IRAK3: variants seen among roughly 807,000 people sequenced by gnomAD.
IRAK3 encodes the protein interleukin-1 receptor-associated kinase 3.
A neutral mutation model predicts 56.6 loss-of-function variants in IRAK3; 57 were observed. The observed-to-expected ratio is 1.01, with a 90% CI of 0.81 to 1.26. The LOEUF (loss-of-function observed/expected upper bound fraction) is 1.26. IRAK3 is among the 50% of genes most tolerant of loss of function. The pLI, the probability that IRAK3 is intolerant of heterozygous loss-of-function variation, is 0.00. For missense variants in IRAK3, 703 were observed against 719.0 expected, an observed-to-expected ratio of 0.98 and a Z score of 0.25; for synonymous variants, 258 against 255.7, an observed-to-expected ratio of 1.01 and a Z score of -0.09.
In IRAK3 at chr12:66,250,750, T is replaced by G. The variant is rs759965550; in HGVS notation, c.*2579T>G. On this transcript the variant is annotated 3_prime_UTR_variant, in exon 12 of 12. Transcript: ENST00000261233. The stretch of plus-strand genomic sequence containing the variant: ...GGGTATTATGTTGATTTGAACTTGC[T>G]TAGCTGACTTAAAGCAGGGTTTCTC... 1 of 152,258 alleles carries G rather than the reference T, an allele frequency of 6.6e-6. No homozygotes were observed. Among genetic ancestry groups the G allele is most frequent in the Non-Finnish European group, 1.5e-5 (1 of 68,052 alleles). The allele number at this position is 152,258 out of a possible 1,614,324, so 9.4% of individuals were successfully genotyped here.
At chr12:66,209,070 CAAA>C (rs750939808) in intron 2 of IRAK3, among the ~76,000 whole-genome samples, 3 of 54,522 alleles carry the variant, frequency 5.5e-5, no homozygotes, top group South Asian at 1.2e-3. Context: ...GAGTCCATCT[CAAA>C]AAAAAAAAAA....
intron 3 of IRAK3, among the ~76,000 whole-genome samples, chr12:66,209,898 A>G (rs1443428194): frequency 6.6e-6 from 1 of 152,214 alleles, no homozygotes; most frequent in Non-Finnish European, 1.5e-5. Context: ...ATTAAAAGTA[A>G]TTTAAAATTG....
At chr12:66,246,110 GAA>G (rs1235461223) in intron 11 of IRAK3, among the ~76,000 whole-genome samples, 1 of 151,964 alleles carries the variant, frequency 6.6e-6, no homozygotes, top group African/African-American at 2.4e-5. Flanking sequence ...CGTGGAGCAT[GAA>G]TTCAGAATAC....
At chr12:66,243,803 C>A (rs2136952178) in intron 8 of IRAK3, among the ~76,000 whole-genome samples, 1 of 152,284 alleles carries the variant, frequency 6.6e-6, no homozygotes, top group South Asian at 2.1e-4. Flanking sequence ...CTTATCCTTT[C>A]CGGTTCCTGC....
In IRAK3 at chr12:66,200,674, C is replaced by T. The variant is rs1331754670; in HGVS notation, c.134-3037C>T. On this transcript the variant is annotated intron_variant, in intron 1 of 11. Transcript: ENST00000261233. ...TTGAATATTCCAGCAAAGGCTTATA[C>T]AACGAAAAATTGGGCATGGGGGGGA... Among the ~76,000 whole-genome samples the T allele has an allele frequency of 3.4e-4, 51 of 152,114 alleles. 2 individuals are homozygous for T. The highest frequency in any genetic ancestry group is 3.3e-3 in the Admixed American group (51 of 15,272).
At chr12:66,197,022 G>C (rs894672520) in intron 1 of IRAK3, 5 of 1,529,748 alleles carry the variant, frequency 3.3e-6, no homozygotes, top group African/African-American at 1.4e-5. Flanking sequence ...TGCATATGGA[G>C]ACGTGATTTC....
chr12:66,245,108 T>A lies in IRAK3; in HGVS notation c.1160T>A (p.Leu387His). The change falls in exon 11 of 12, where the codon CTT (leucine) becomes CAT (histidine). Residue 387 changes from leucine (L) to histidine (H), a missense_variant. Coordinates refer to ENST00000261233, the MANE Select transcript of IRAK3 (RefSeq NM_007199.3). Reference sequence around the variant, plus strand: ...TCCCTCTCTTCCAAGCGGGATCTCCTTAGAGAATTGATGGAGAAGAGAGGC... The same window carrying A: ...TCCCTCTCTTCCAAGCGGGATCTCCATAGAGAATTGATGGAGAAGAGAGGC... Reference protein sequence around the residue: ...DPKHIQLRDLLRELMEKRGLD... With the variant: ...DPKHIQLRDLHRELMEKRGLD... The A allele has an allele frequency of 6.2e-7, 1 of 1,614,140 alleles. No individual in the cohort carries two copies. Among genetic ancestry groups the A allele is most frequent in the Non-Finnish European group, 8.5e-7 (1 of 1,180,000 alleles).
chr12:66,234,574 A>G (rs2052882248), intron 8 of IRAK3: 1 of 1,611,772 alleles, frequency 6.2e-7, no homozygotes, highest in East Asian at 2.2e-5. Flanking sequence ...ATGGTCTTCC[A>G]TTAGGGATGT....
chr12:66,193,050 T>C (rs1159102940), intron 1 of IRAK3, among the ~76,000 whole-genome samples: 3 of 152,076 alleles, frequency 2.0e-5, no homozygotes, highest in Admixed American at 1.3e-4. Flanking sequence ...TCTTGTTGCC[T>C]AGGCTGGAGT....
chr12:66,250,890 T>C lies in IRAK3; in HGVS notation c.*2719T>C, dbSNP rs2053092561. On this transcript the variant is annotated 3_prime_UTR_variant, in exon 12 of 12. Coordinates refer to ENST00000261233, the MANE Select transcript of IRAK3 (RefSeq NM_007199.3). The stretch of plus-strand genomic sequence containing the variant: ...GTTAGAAATTTTGCTTTCTAATGAG[T>C]TCCCAGGTGATGCTGATGCCAATGA... 1.3e-5 allele frequency: 2 copies of C among 152,192 alleles called. No homozygotes were observed. Among genetic ancestry groups the C allele is most frequent in the South Asian group, 4.1e-4 (2 of 4,826 alleles). The allele number at this position is 152,192 out of a possible 1,614,324, so 9.4% of individuals were successfully genotyped here. A position where few individuals can be genotyped will look rare whatever the true frequency, so the allele number is the denominator to read the frequency against.
chr12:66,203,979 A>C (rs971280842), intron 2 of IRAK3, 86 bp downstream of exon 2: 1 of 1,168,374 alleles, frequency 8.6e-7, no homozygotes, highest in Non-Finnish European at 1.3e-6. Context: ...TATCCAAGAC[A>C]TTGACTCATG....
intron 5 of IRAK3, among the ~76,000 whole-genome samples, chr12:66,215,802 A>T (rs1314947821): frequency 6.5e-5 from 4 of 61,550 alleles, no homozygotes; most frequent in African/African-American, 2.4e-4. Flanking sequence ...ACACACACAC[A>T]CACACACACA....
intron 8 of IRAK3, chr12:66,233,978 A>G (rs2052874695): frequency 1.4e-6 from 2 of 1,403,530 alleles, no homozygotes; most frequent in East Asian, 2.3e-5. Flanking sequence ...AAAATTGTCA[A>G]TAATTTCCTA....
intron 8 of IRAK3, chr12:66,235,035 T>C: frequency 6.2e-7 from 1 of 1,613,368 alleles, no homozygotes; most frequent in African/African-American, 1.3e-5. Flanking sequence ...GAGACTATTT[T>C]CCCATATGGT....
At chr12:66,200,934 C>T (rs1344933852) in intron 1 of IRAK3, among the ~76,000 whole-genome samples, 1 of 152,136 alleles carries the variant, frequency 6.6e-6, no homozygotes, top group Non-Finnish European at 1.5e-5. Flanking sequence ...CCTCACCCTC[C>T]TGAGTAGCTG....
chr12:66,232,988 ATATTAT>A (rs147774283), intron 8 of IRAK3, among the ~76,000 whole-genome samples: 60 of 149,560 alleles, frequency 4.0e-4, no homozygotes, highest in African/African-American at 9.1e-4. Context: ...TAACCCTTTG[ATATTAT>A]TATTATTATT....
chr12:66,244,377 C>G, intron 8 of IRAK3, 109 bp from the exon 9 acceptor site: 1 of 769,764 alleles, frequency 1.3e-6, no homozygotes, highest in Non-Finnish European at 2.3e-6. Flanking sequence ...TTTATTTTGA[C>G]AGTGTTTCGA....
chr12:66,189,502 C>A (rs1300274457), intron 1 of IRAK3, 70 bp downstream of exon 1: 5 of 1,031,706 alleles, frequency 4.8e-6, no homozygotes, highest in African/African-American at 3.4e-5. Flanking sequence ...TCGGCGTCGC[C>A]CTGCATGGCT....
chr12:66,194,578 A>G (rs2052431528), intron 1 of IRAK3, among the ~76,000 whole-genome samples: 1 of 152,180 alleles, frequency 6.6e-6, no homozygotes, highest in Admixed American at 6.6e-5. Flanking sequence ...CGGTAATCCC[A>G]GCACTTTGGG....
Sources: gnomAD v4.1 joint callset for allele counts (sites outside exome capture counted in the v4.1 genomes callset) on GRCh38, gnomAD v4.1.1 for gene constraint, MANE v1.5 for transcripts, NCBI Gene and HGNC (gene_info 2026-07-23, HGNC 2026-07-21) for gene names.